Variants in CDH11 observed in about 807,000 individuals in gnomAD.
CDH11 encodes the protein cadherin 11.
A neutral mutation model predicts 67.8 loss-of-function variants in CDH11; 11 were observed. That is an observed-to-expected ratio of 0.16 (90% CI 0.10 to 0.27). CDH11 has a LOEUF of 0.27. CDH11 is among the 10% of genes least tolerant of loss of function. CDH11 has a pLI of 1.00. For synonymous variants in CDH11, 419 were observed against 400.0 expected (o/e 1.05, Z -0.57); for missense variants, 847 against 1,031.2 (o/e 0.82, Z 2.45).
intron 1 of CDH11, among the ~76,000 whole-genome samples, chr16:65,081,339 C>T (rs1170623285): frequency 2.6e-5 from 4 of 152,118 alleles, no homozygotes; most frequent in Admixed American, 6.5e-5. Flanking sequence ...AAGGCCAAGG[C>T]GGGCAGATCA....
At chr16:65,011,174 G>A (rs546751011) in intron 2 of CDH11, among the ~76,000 whole-genome samples, 1 of 150,814 alleles carries the variant, frequency 6.6e-6, no homozygotes, top group Non-Finnish European at 1.5e-5. Flanking sequence ...GTGAGGCTTA[G>A]TGTCCTTATG....
At position 64,947,241 on chromosome 16, in the gene CDH11, A is replaced by G; in HGVS notation, c.*362T>C. 2 of 1,104,704 alleles carry G rather than the reference A, an allele frequency of 1.8e-6. No homozygotes were observed. Among genetic ancestry groups the G allele is most frequent in the Non-Finnish European group, 2.2e-6 (2 of 902,548 alleles). 68.4% of individuals were successfully genotyped at this position (1,104,704 alleles called of 1,614,324 possible). Reference sequence around the variant, plus strand: ...ACTGTTGTCCTTTCTAATTTTGTGGAAGCTTCTTTGACAACTTAAAAAAGA... The same window carrying G: ...ACTGTTGTCCTTTCTAATTTTGTGGGAGCTTCTTTGACAACTTAAAAAAGA... On this transcript the variant is annotated 3_prime_UTR_variant, in exon 13 of 13. Coordinates refer to ENST00000268603, the MANE Select transcript of CDH11 (RefSeq NM_001797.4).
intron 2 of CDH11, among the ~76,000 whole-genome samples, chr16:65,017,034 G>C (rs971771625): frequency 1.3e-5 from 2 of 152,124 alleles, no homozygotes; most frequent in Non-Finnish European, 2.9e-5. Flanking sequence ...AGCAAATAAT[G>C]AGCAATGAGG....
rs1367474811 is a variant in CDH11, at chr16:64,998,848, T to C, written c.237A>G (p.Ser79=). 6.2e-7 allele frequency: 1 copy of C among 1,612,588 alleles called. No individual in the cohort carries two copies. The highest frequency in any genetic ancestry group is 1.3e-5 in the African/African-American group (1 of 74,834). Residue 79 remains serine (S), a synonymous_variant, in exon 4 of 13, where the codon TCA becomes TCG. Coordinates refer to ENST00000268603, the MANE Select transcript of CDH11 (RefSeq NM_001797.4). ...PDPVLVGRLH[S]DIDSGDGNIK... is the part of the protein sequence containing the mutation. ...TGTTCCCATCACCAGAGTCAATATC[T>C]GAATGAAGCTGGAAGAAAGAGAAAT...
rs562797803 is a variant in CDH11, at chr16:65,055,276, T to C, written c.-297-1348A>G. 3.3e-5 allele frequency among the ~76,000 whole-genome samples: 5 copies of C among 152,332 alleles called. No individual in the cohort carries two copies. The East Asian group carries it at 9.6e-4, about 29-fold the overall frequency. On this transcript the variant is annotated intron_variant, in intron 1 of 12. Coordinates refer to ENST00000268603, the MANE Select transcript of CDH11 (RefSeq NM_001797.4). Reference sequence around the variant, plus strand: ...TGTGCAGTCTCCTTCTATGGGACTATGAGCTGGCTCTGCATAACAATGAAA... The same window carrying C: ...TGTGCAGTCTCCTTCTATGGGACTACGAGCTGGCTCTGCATAACAATGAAA...
intron 1 of CDH11, among the ~76,000 whole-genome samples, chr16:65,067,858 G>A (rs532053538): frequency 6.3e-4 from 89 of 140,718 alleles, no homozygotes; most frequent in Middle Eastern, 3.9e-3. Flanking sequence ...ATTGGAGAAA[G>A]GGAGGGAGAA....
chr16:65,050,322 C>T (rs2074033557), intron 2 of CDH11, among the ~76,000 whole-genome samples: 1 of 152,110 alleles, frequency 6.6e-6, no homozygotes, highest in Admixed American at 6.5e-5. Flanking sequence ...TCCTGTGAGC[C>T]CATGCCACAT....
At chr16:65,105,890 G>A (rs1317690305) in intron 1 of CDH11, among the ~76,000 whole-genome samples, 1 of 152,234 alleles carries the variant, frequency 6.6e-6, no homozygotes, top group Non-Finnish European at 1.5e-5. Context: ...TTCTTGAAGA[G>A]TGATGCTATT....
intron 8 of CDH11, among the ~76,000 whole-genome samples, chr16:64,978,301 T>A (rs542589492): frequency 1.5e-4 from 23 of 152,326 alleles, no homozygotes; most frequent in South Asian, 6.2e-4. Context: ...GGCGCAGTGA[T>A]GATCTATAAC....
At chr16:64,990,745 G>A (rs1452104860) in intron 6 of CDH11, among the ~76,000 whole-genome samples, 1 of 152,062 alleles carries the variant, frequency 6.6e-6, no homozygotes, top group Non-Finnish European at 1.5e-5. Context: ...CAAAATCATT[G>A]TTTTTCATTT....
chr16:64,960,398 A>G (rs1047445045), intron 11 of CDH11, among the ~76,000 whole-genome samples: 2 of 152,140 alleles, frequency 1.3e-5, no homozygotes, highest in African/African-American at 4.8e-5. Flanking sequence ...CACTTTTCTT[A>G]AGTGTTGGGA....
At chr16:65,120,550 G>C (rs1440086425) in intron 1 of CDH11, among the ~76,000 whole-genome samples, 3 of 152,174 alleles carry the variant, frequency 2.0e-5, no homozygotes, top group Non-Finnish European at 4.4e-5. Flanking sequence ...GAAGACTTTA[G>C]TGAAATCTAT....
chr16:64,984,483 A>G (rs2072435099), intron 7 of CDH11, among the ~76,000 whole-genome samples: 1 of 152,210 alleles, frequency 6.6e-6, no homozygotes. Flanking sequence ...CCATGTTATG[A>G]GTAGTTGAAA....
chr16:65,118,008 T>C (rs1355021802), intron 1 of CDH11, among the ~76,000 whole-genome samples: 3 of 152,196 alleles, frequency 2.0e-5, no homozygotes, highest in African/African-American at 7.2e-5. Context: ...ATGCTAATCC[T>C]GACCAACTGC....
chr16:64,971,525 G>A (rs56293071), intron 11 of CDH11, 54 bp downstream of exon 11: 28 of 1,016,068 alleles, frequency 2.8e-5, no homozygotes, highest in East Asian at 1.2e-4. Context: ...CAATGTAAAC[G>A]CCATTTGTTT....
intron 2 of CDH11, among the ~76,000 whole-genome samples, chr16:65,044,121 G>A (rs151042407): frequency 2.2e-4 from 33 of 152,298 alleles, no homozygotes; most frequent in African/African-American, 7.9e-4. Context: ...GCTCTCAGCA[G>A]CAGAAGGCAG....
rs777888128 is a variant in CDH11 at position 64,998,696 on chromosome 16, G to A, written c.389C>T (p.Ala130Val). The change falls in exon 4 of 13, where the codon GCG becomes GTG. Residue 130 changes from alanine to valine, a missense_variant. Around this residue, in one of 2 missense-constraint regions of CDH11, gnomAD observed 235 missense variants for 352.5 expected, o/e 0.67. Coordinates refer to ENST00000268603, the MANE Select transcript of CDH11 (RefSeq NM_001797.4). Reference protein sequence around the residue: ...ERAQYTLMAQAVDRDTNRPLE... With the variant: ...ERAQYTLMAQVVDRDTNRPLE... ...TGGCCGATTGGTGTCCCTGTCCACC[G>A]CCTGAGCCATCAACGTGTACTGGGC... 11 of 1,613,944 alleles carry A rather than the reference G, an allele frequency of 6.8e-6. No individual in the cohort carries two copies. The highest frequency in any genetic ancestry group is 3.3e-5 in the Admixed American group (2 of 60,000).
intron 2 of CDH11, among the ~76,000 whole-genome samples, chr16:65,010,663 C>G (rs1322504675): frequency 6.6e-6 from 1 of 152,056 alleles, no homozygotes; most frequent in Admixed American, 6.6e-5. Context: ...CCCCAGCGCT[C>G]TGCAAAGGTG....
Position 65,121,383 on chromosome 16 carries a change from G to C in CDH11, c.-298+497C>G, listed in dbSNP as rs1419169420. ...TCGACTGCAGGGACTAAGCCCCGGGGAGCTTTCGGCAGGGATCCGGGAGGA... is the reference window on the plus strand; with the variant it reads ...TCGACTGCAGGGACTAAGCCCCGGGCAGCTTTCGGCAGGGATCCGGGAGGA... On this transcript the variant is annotated intron_variant, in intron 1 of 12. Transcript: ENST00000268603. This position sits in a 1 kb window ranked among gnomAD's most constrained non-coding sequence, Gnocchi z 4.1. Among the ~76,000 whole-genome samples the C allele has an allele frequency of 6.6e-6, 1 of 152,222 alleles. No homozygotes were observed. Among genetic ancestry groups the C allele is most frequent in the Non-Finnish European group, 1.5e-5 (1 of 68,034 alleles).
Sources: allele counts gnomAD v4.1 joint callset (sites outside exome capture counted in the v4.1 genomes callset), GRCh38; gene constraint gnomAD v4.1.1; regional missense constraint gnomAD v4.1.1; non-coding constraint Gnocchi (gnomAD v3.1); transcripts MANE v1.5; gene names NCBI Gene and HGNC (gene_info 2026-07-23, HGNC 2026-07-21).